Variants in LPP observed in about 807,000 individuals in gnomAD.
The protein encoded by LPP is lipoma-preferred partner.
A neutral mutation model predicts 60.4 loss-of-function variants in LPP; 38 were observed. That is an observed-to-expected ratio of 0.63 (90% CI 0.49 to 0.83). The LOEUF is 0.83. LPP is among the 40% of genes least tolerant of loss of function. The pLI is 0.00. For missense variants in LPP, 902 were observed against 783.6 expected (o/e 1.15, Z -1.80); for synonymous variants, 328 against 290.8 (o/e 1.13, Z -1.30).
intron 8 of LPP, among the ~76,000 whole-genome samples, chr3:188,731,654 C>T (rs1259460347): frequency 6.6e-6 from 1 of 151,888 alleles, no homozygotes; most frequent in Non-Finnish European, 1.5e-5. Flanking sequence ...TTCAGAGTAG[C>T]TGGGACTACA....
intron 8 of LPP, among the ~76,000 whole-genome samples, chr3:188,721,561 C>G (rs1416726220): frequency 6.6e-6 from 1 of 151,852 alleles, no homozygotes; most frequent in Non-Finnish European, 1.5e-5. Flanking sequence ...CTCAACAAAA[C>G]AAAACAAAAC....
At chr3:188,560,818 C>G (rs939646017) in intron 6 of LPP, among the ~76,000 whole-genome samples, 6 of 152,038 alleles carry the variant, frequency 3.9e-5, no homozygotes, top group Admixed American at 2.0e-4. Context: ...AGTGCATTTA[C>G]CTAATATCTG....
rs57578460 is a variant in LPP, at chr3:188,495,083, T to TATATATATATATATATATA, written c.306+10379_306+10380insATATATATATATATATATA. ...AGGATTTTATATATATATATATATA[T>TATATATATATATATATATA]TTTATTTATATTTTATTATATATTT... On this transcript the variant is annotated intron_variant, in intron 5 of 11. Transcript: ENST00000617246. Among the ~76,000 whole-genome samples, 102 of 77,692 alleles carry TATATATATATATATATATA rather than the reference T, an allele frequency of 1.3e-3. 2 individuals carry two copies. Among genetic ancestry groups the TATATATATATATATATATA allele is most frequent in the African/African-American group, 5.4e-3 (63 of 11,628 alleles). The allele number at this position is 77,692 out of a possible 152,430, so 51.0% of individuals were successfully genotyped here. A position where few individuals can be genotyped will look rare whatever the true frequency, so the allele number is the denominator to read the frequency against.
At chr3:188,377,154 C>A (rs1775374520) in intron 3 of LPP, among the ~76,000 whole-genome samples, 1 of 152,130 alleles carries the variant, frequency 6.6e-6, no homozygotes, top group Non-Finnish European at 1.5e-5. Context: ...TCCTTCATTT[C>A]AACTTTGGTG....
intron 8 of LPP, among the ~76,000 whole-genome samples, chr3:188,756,540 G>C (rs1199695658): frequency 6.6e-6 from 1 of 152,188 alleles, no homozygotes. Context: ...TGGGGTAAGT[G>C]CCTCTAGAGG....
At chr3:188,398,263 A>C (rs979081154) in intron 3 of LPP, among the ~76,000 whole-genome samples, 2 of 152,220 alleles carry the variant, frequency 1.3e-5, no homozygotes, top group African/African-American at 4.8e-5. Flanking sequence ...GGTAGTGGAT[A>C]TCTAATCTTT....
chr3:188,360,793 C>A (rs1769066633), intron 3 of LPP, among the ~76,000 whole-genome samples: 1 of 152,174 alleles, frequency 6.6e-6, no homozygotes, highest in Non-Finnish European at 1.5e-5. Context: ...GTTCTCGAAT[C>A]CTGAATCACA....
intron 5 of LPP, among the ~76,000 whole-genome samples, chr3:188,517,692 T>C (rs144225282): frequency 6.6e-6 from 1 of 152,122 alleles, no homozygotes; most frequent in Non-Finnish European, 1.5e-5. Context: ...ATGAGGGTGA[T>C]GCAAAGCAGA....
At chr3:188,605,775 C>A (rs1252519109) in intron 6 of LPP, among the ~76,000 whole-genome samples, 1 of 152,082 alleles carries the variant, frequency 6.6e-6, no homozygotes, top group African/African-American at 2.4e-5. Context: ...AGATAATATT[C>A]CATTTGATGC....
Position 188,657,260 on chromosome 3 carries a change from A to G in LPP, c.1113+47416A>G, listed in dbSNP as rs202031396. 1.2e-4 allele frequency among the ~76,000 whole-genome samples: 12 copies of G among 103,622 alleles called. No homozygotes were observed. In the East Asian group the frequency reaches 2.6e-3, roughly 23 times the overall value. 68.0% of individuals were successfully genotyped at this position (103,622 alleles called of 152,430 possible). A position where few individuals can be genotyped will look rare whatever the true frequency, so the allele number is the denominator to read the frequency against. On this transcript the variant is annotated intron_variant, in intron 7 of 11. Coordinates refer to ENST00000617246, the MANE Select transcript of LPP (RefSeq NM_001375462.1). ...AAGTTTTCAAGAGCTGTCAAGGTGT[A>G]TATATATATATATATATATATTTCC...
chr3:188,594,459 T>C (rs531809633), intron 6 of LPP, among the ~76,000 whole-genome samples: 1 of 152,302 alleles, frequency 6.6e-6, no homozygotes, highest in African/African-American at 2.4e-5. Context: ...GTAAGACTTC[T>C]GGAATTCTGA....
At chr3:188,561,200 T>C (rs1227772872) in intron 6 of LPP, among the ~76,000 whole-genome samples, 1 of 152,138 alleles carries the variant, frequency 6.6e-6, no homozygotes, top group African/African-American at 2.4e-5. Context: ...TTTAAATTCC[T>C]TATTAAGCCC....
chr3:188,844,385 A>G (rs1039681326), intron 9 of LPP, among the ~76,000 whole-genome samples: 1 of 152,222 alleles, frequency 6.6e-6, no homozygotes, highest in Non-Finnish European at 1.5e-5. Flanking sequence ...TACATAGAGG[A>G]AAGGCCTTTG....
intron 3 of LPP, among the ~76,000 whole-genome samples, chr3:188,354,228 T>C (rs1045297086): frequency 2.3e-4 from 35 of 152,264 alleles, no homozygotes; most frequent in African/African-American, 6.7e-4. Flanking sequence ...AAAAACACCA[T>C]TGACTAATTT....
intron 5 of LPP, among the ~76,000 whole-genome samples, chr3:188,505,411 G>A (rs187136930): frequency 1.3e-5 from 2 of 151,822 alleles, no homozygotes; most frequent in Admixed American, 6.6e-5. Context: ...TTGACCTTCC[G>A]TTTTCTCTCA....
chr3:188,790,299 G>A (rs1743269901), intron 9 of LPP, among the ~76,000 whole-genome samples: 1 of 151,994 alleles, frequency 6.6e-6, no homozygotes, highest in Non-Finnish European at 1.5e-5. Flanking sequence ...TGTGTTTGAA[G>A]AAAAATTTCA....
intron 7 of LPP, among the ~76,000 whole-genome samples, chr3:188,669,347 C>T (rs539316089): frequency 2.6e-5 from 4 of 152,168 alleles, no homozygotes; most frequent in Admixed American, 6.5e-5. Context: ...GAGGTCGAGG[C>T]GGGCGGATCA....
At chr3:188,258,789 CT>C (rs1179209360) in intron 2 of LPP, among the ~76,000 whole-genome samples, 2 of 152,286 alleles carry the variant, frequency 1.3e-5, no homozygotes, top group East Asian at 1.9e-4. Context: ...GTACAGTATA[CT>C]TTTTTTCTGA....
At chr3:188,522,784 A>AATAAATATAT (rs1819253068) in intron 5 of LPP, among the ~76,000 whole-genome samples, 1 of 125,312 alleles carries the variant, frequency 8.0e-6, no homozygotes, top group South Asian at 2.6e-4. Flanking sequence ...GATAATATGA[A>AATAAATATAT]ATATATATAT....
Sources: gnomAD v4.1 joint callset for allele counts (sites outside exome capture counted in the v4.1 genomes callset) on GRCh38, gnomAD v4.1.1 for gene constraint, MANE v1.5 for transcripts, NCBI Gene and HGNC (gene_info 2026-07-23, HGNC 2026-07-21) for gene names.